The following DCUN1D1 variants were observed in gnomAD, a reference collection of about 807,000 sequenced individuals.
DCUN1D1 encodes DCN1-like protein 1.
A neutral mutation model predicts 39.0 loss-of-function variants in DCUN1D1; 3 were observed. The ratio of observed to expected loss-of-function variants is 0.08; its 90% CI spans 0.04 to 0.20. DCUN1D1 has a LOEUF of 0.20. Ranked by LOEUF, DCUN1D1 falls within the 10% of genes least tolerant of loss-of-function variation. The pLI, the probability that DCUN1D1 is intolerant of heterozygous loss-of-function variation, is 1.00. For synonymous variants in DCUN1D1, 82 were observed against 96.3 expected (o/e 0.85, Z 0.87); for missense variants, 158 against 302.4 (o/e 0.52, Z 3.54).
At position 182,944,494 on chromosome 3, in the gene DCUN1D1, T is replaced by A. The variant is rs1215448820; in HGVS notation, c.*600A>T. 6.6e-6 allele frequency: 1 copy of A among 152,362 alleles called. No individual in the cohort carries two copies. The highest frequency in any genetic ancestry group is 1.5e-5 in the Non-Finnish European group (1 of 68,034). The allele number at this position is 152,362 out of a possible 1,614,324, so 9.4% of individuals were successfully genotyped here. A position where few individuals can be genotyped will look rare whatever the true frequency, so the allele number is the denominator to read the frequency against. On this transcript the variant is annotated 3_prime_UTR_variant, in exon 7 of 7. Transcript: ENST00000292782. The stretch of plus-strand genomic sequence containing the variant: ...ACCAAGTTATCCTAAAAAATTTTCA[T>A]GTCGGTTATTCTGACATTGTTTTTT...
At chr3:182,967,764 T>C (rs1206163027) in intron 1 of DCUN1D1, among the ~76,000 whole-genome samples, 2 of 152,240 alleles carry the variant, frequency 1.3e-5, no homozygotes, top group South Asian at 4.1e-4. Context: ...AGATTTACTG[T>C]TCAATGACAA....
At chr3:182,982,960 T>C (rs899642592), upstream of DCUN1D1, among the ~76,000 whole-genome samples, 6 of 152,100 alleles carry the variant, frequency 3.9e-5, no homozygotes, top group Non-Finnish European at 8.8e-5. Flanking sequence ...TTCTTTATCA[T>C]CTCTCCTCAT....
At position 182,973,170 on chromosome 3, in the gene DCUN1D1, T is replaced by A. The variant is rs561839670; in HGVS notation, c.3+7317A>T. Reference sequence around the variant, plus strand: ...GTATAGAACCCTATATATACACATATACACTATGTTTTTTTGACCTGATAA... The same window carrying A: ...GTATAGAACCCTATATATACACATAAACACTATGTTTTTTTGACCTGATAA... On this transcript the variant is annotated intron_variant, in intron 1 of 6. Coordinates refer to ENST00000292782, the MANE Select transcript of DCUN1D1 (RefSeq NM_020640.4). 1.4e-4 allele frequency among the ~76,000 whole-genome samples: 21 copies of A among 152,238 alleles called. No homozygotes were observed. In the South Asian group the frequency reaches 4.4e-3, roughly 32 times the overall value.
chr3:182,964,545 C>T (rs1258557703), intron 2 of DCUN1D1, among the ~76,000 whole-genome samples: 1 of 151,576 alleles, frequency 6.6e-6, no homozygotes, highest in Non-Finnish European at 1.5e-5. Context: ...AAAATCTATA[C>T]TTATCAGAGA....
At chr3:182,946,104 A>T (rs112274797) in intron 6 of DCUN1D1, among the ~76,000 whole-genome samples, 262 of 152,318 alleles carry the variant, frequency 1.7e-3, no homozygotes, top group Non-Finnish European at 3.1e-3. Context: ...GTATGAAGAA[A>T]TCAATGTAAA....
rs397877483 is a variant in DCUN1D1, at chr3:182,972,050, G to GTT, written c.4-6299_4-6298dup. On this transcript the variant is annotated intron_variant, in intron 1 of 6. Coordinates refer to ENST00000292782, the MANE Select transcript of DCUN1D1 (RefSeq NM_020640.4). ...TTTGGGGATGGAGCTTCTATTTAGGGTTTTTTTTTTTTTTTTTTTTTTGGT... is the reference window on the plus strand; with the variant it reads ...TTTGGGGATGGAGCTTCTATTTAGGGTTTTTTTTTTTTTTTTTTTTTTTTGGT... Among the ~76,000 whole-genome samples the GTT allele has an allele frequency of 3.0e-3, 328 of 108,806 alleles. 2 individuals carry two copies. The highest frequency in any genetic ancestry group is 6.2e-3 in the African/African-American group (192 of 30,786). 71.4% of individuals were successfully genotyped at this position (108,806 alleles called of 152,430 possible).
chr3:182,976,623 C>A (rs959607675), intron 1 of DCUN1D1, among the ~76,000 whole-genome samples: 1 of 152,106 alleles, frequency 6.6e-6, no homozygotes, highest in Non-Finnish European at 1.5e-5. Flanking sequence ...CCATCAATGC[C>A]CTAGCACCCC....
chr3:182,979,779 C>CA (rs1262367018), intron 1 of DCUN1D1, among the ~76,000 whole-genome samples: 1 of 152,152 alleles, frequency 6.6e-6, no homozygotes, highest in African/African-American at 2.4e-5. Flanking sequence ...GAACAGGTTG[C>CA]ACTTCCGTAC....
In DCUN1D1 at chr3:182,944,944, C is replaced by A. The variant is rs909396950; in HGVS notation, c.*150G>T. On this transcript the variant is annotated 3_prime_UTR_variant, in exon 7 of 7. Transcript: ENST00000292782. ...TTAGAAGAATGAAATACGATATGGT[C>A]CAAGATGTATCCTTAAAGTTTTGTC... 3.2e-5 allele frequency: 21 copies of A among 649,840 alleles called. No individual in the cohort carries two copies. Among genetic ancestry groups the A allele is most frequent in the Admixed American group, 5.6e-5 (2 of 35,716 alleles). The allele number at this position is 649,840 out of a possible 1,614,324, so 40.3% of individuals were successfully genotyped here.
At chr3:182,980,742 C>T (rs1728510003), upstream of DCUN1D1, 1 of 182,024 alleles carries the variant, frequency 5.5e-6, no homozygotes, top group Admixed American at 6.5e-5. Context: ...GGGGGCGCGG[C>T]GGGGGAGGGG....
chr3:182,945,983 A>G (rs1483894864), intron 6 of DCUN1D1, among the ~76,000 whole-genome samples: 1 of 152,156 alleles, frequency 6.6e-6, no homozygotes, highest in Non-Finnish European at 1.5e-5. Flanking sequence ...ATTAGCCTTA[A>G]TGATTCCAGG....
intron 1 of DCUN1D1, among the ~76,000 whole-genome samples, chr3:182,970,920 A>G (rs552676388): frequency 6.6e-6 from 1 of 152,342 alleles, no homozygotes; most frequent in South Asian, 2.1e-4. Context: ...CAATTCAGCC[A>G]ATGAGCCTAC....
At chr3:182,954,274 A>G (rs768566933) in intron 4 of DCUN1D1, among the ~76,000 whole-genome samples, 3 of 152,260 alleles carry the variant, frequency 2.0e-5, no homozygotes, top group Non-Finnish European at 2.9e-5. Flanking sequence ...AGAATACGCA[A>G]AAGTTCACAG....
rs1334748772 is a variant in DCUN1D1, at chr3:182,938,340, T to C, written c.*6754A>G. 6.6e-6 allele frequency: 1 copy of C among 151,582 alleles called. No individual in the cohort carries two copies. Among genetic ancestry groups the C allele is most frequent in the Non-Finnish European group, 1.5e-5 (1 of 67,942 alleles). The allele number at this position is 151,582 out of a possible 1,614,324, so 9.4% of individuals were successfully genotyped here. On this transcript the variant is annotated 3_prime_UTR_variant, in exon 7 of 7. Transcript: ENST00000292782. ...ATGTATGCAATGTAGGAATCTTATT[T>C]GAATCCTGACTTGAATTGGAAAAAA...
rs541518575 is a variant in DCUN1D1 at position 182,949,043 on chromosome 3, C to G, written c.521-1411G>C. ...AGTCTGGGCAAGAAAAGCAAAACTC[C>G]GTCTCAAAAAAAAAAAAAACAAGGA... is the stretch of plus-strand genomic sequence containing the variant. On this transcript the variant is annotated intron_variant, in intron 4 of 6. Transcript: ENST00000292782. Among the ~76,000 whole-genome samples, 7 of 144,380 alleles carry G rather than the reference C, an allele frequency of 4.8e-5. No homozygotes were observed. In the East Asian group the frequency reaches 1.2e-3, roughly 25 times the overall value. 94.7% of individuals were successfully genotyped at this position (144,380 alleles called of 152,430 possible). A position where few individuals can be genotyped will look rare whatever the true frequency, so the allele number is the denominator to read the frequency against.
upstream of DCUN1D1, among the ~76,000 whole-genome samples, chr3:182,984,571 TTGTC>T (rs1158643505): frequency 2.1e-4 from 32 of 152,116 alleles, no homozygotes; most frequent in Middle Eastern, 6.8e-3. Flanking sequence ...ATTGCCTATC[TTGTC>T]TATCTCTCCT....
rs113268024 is a variant in DCUN1D1, at chr3:182,975,435, C to T, written c.3+5052G>A. Among the ~76,000 whole-genome samples, 4 of 152,000 alleles carry T rather than the reference C, an allele frequency of 2.6e-5. No individual in the cohort carries two copies. The East Asian group carries it at 7.7e-4, about 29-fold the overall frequency. On this transcript the variant is annotated intron_variant, in intron 1 of 6. Transcript: ENST00000292782. ...TTGTGATCCGCCCGCCTCAGCCCCC[C>T]GAAGTACTGGGATTACAGGTGTGAG...
At chr3:182,945,597 A>AAAACAAAC (rs150035022) in intron 6 of DCUN1D1, among the ~76,000 whole-genome samples, 1 of 151,788 alleles carries the variant, frequency 6.6e-6, no homozygotes, top group African/African-American at 2.4e-5. Flanking sequence ...ACTCCCTCTC[A>AAAACAAAC]AAACAAACAA....
intron 4 of DCUN1D1, among the ~76,000 whole-genome samples, 177 bp downstream of exon 4, chr3:182,961,049 C>T (rs1360435642): frequency 6.6e-6 from 1 of 152,108 alleles, no homozygotes; most frequent in Non-Finnish European, 1.5e-5. Context: ...CCAGGGTAAA[C>T]TTACTCAATG....
Sources: allele counts gnomAD v4.1 joint callset (sites outside exome capture counted in the v4.1 genomes callset), GRCh38; gene constraint gnomAD v4.1.1; transcripts MANE v1.5; gene names NCBI Gene and HGNC (gene_info 2026-07-23, HGNC 2026-07-21).